ARIH1: variants seen among roughly 807,000 people sequenced by gnomAD.
ARIH1 encodes the protein E3 ubiquitin-protein ligase ARIH1.
In ARIH1, 8 loss-of-function variants were observed where a neutral mutation model predicts 85.0. The ratio of observed to expected loss-of-function variants is 0.09; its 90% confidence interval spans 0.06 to 0.17. ARIH1 has a LOEUF of 0.17. ARIH1 is among the 10% of genes least tolerant of loss of function. ARIH1 has a pLI of 1.00. For missense variants in ARIH1, 311 were observed against 718.1 expected, an observed-to-expected ratio of 0.43 and a Z score of 6.48; for synonymous variants, 238 against 253.6, an observed-to-expected ratio of 0.94 and a Z score of 0.59.
intron 5 of ARIH1, among the ~76,000 whole-genome samples, chr15:72,557,028 C>G (rs1026899303): frequency 4.6e-5 from 7 of 152,170 alleles, no homozygotes; most frequent in African/African-American, 1.7e-4. Flanking sequence ...AGTGAACATA[C>G]TAGTGAATGT....
chr15:72,504,740 G>A (rs79320568), intron 1 of ARIH1, among the ~76,000 whole-genome samples: 227 of 152,306 alleles, frequency 1.5e-3, no homozygotes, highest in Non-Finnish European at 2.6e-3. Flanking sequence ...TTGGGCCACA[G>A]GTTTCAGGCT....
Position 72,578,816 on chromosome 15 carries a change from G to GTTTTTTTTTTTTTTT in ARIH1, c.1216-1911_1216-1910insTTTTTTTTTTTTTTT, listed in dbSNP as rs11385438. Reference sequence around the variant, plus strand: ...ATTTTGCTTTTTTTTGTTTTTTGGTGTTTTGTTTTTTTTTTTCAGAGGTAG... The same window carrying GTTTTTTTTTTTTTTT: ...ATTTTGCTTTTTTTTGTTTTTTGGTGTTTTTTTTTTTTTTTTTTTGTTTTTTTTTTTCAGAGGTAG... On this transcript the variant is annotated intron_variant, in intron 11 of 13. Coordinates refer to ENST00000379887, the MANE Select transcript of ARIH1 (RefSeq NM_005744.5). Among the ~76,000 whole-genome samples, 6 of 140,930 alleles carry GTTTTTTTTTTTTTTT rather than the reference G, an allele frequency of 4.3e-5. 3 individuals carry two copies. The highest frequency in any genetic ancestry group is 6.1e-5 in the Non-Finnish European group (4 of 65,460). The allele number at this position is 140,930 out of a possible 152,430, so 92.5% of individuals were successfully genotyped here. A position where few individuals can be genotyped will look rare whatever the true frequency, so the allele number is the denominator to read the frequency against.
rs1426170744 is a variant in ARIH1 at position 72,597,169 on chromosome 15, T to TG, written c.*13877_*13878insG. 4.4e-3 allele frequency: 1 copy of TG among 228 alleles called. No homozygotes were observed. The highest frequency in any genetic ancestry group is 0.022 in the Non-Finnish European group (1 of 46). The allele number at this position is 228 out of a possible 1,614,324, so 0.0% of individuals were successfully genotyped here. ...CTTCCAAAACAGAGCATGCCCTTTG[T>TG]TTTTTTTTCAGGCCACTTGAATGGT... On this transcript the variant is annotated 3_prime_UTR_variant, in exon 14 of 14. Coordinates refer to ENST00000379887, the MANE Select transcript of ARIH1 (RefSeq NM_005744.5).
At chr15:72,553,536 T>G (rs1453563133) in intron 3 of ARIH1, among the ~76,000 whole-genome samples, 1 of 152,088 alleles carries the variant, frequency 6.6e-6, no homozygotes, top group Non-Finnish European at 1.5e-5. Context: ...ATTCACCCCC[T>G]AATTCCTCCC....
At chr15:72,499,095 C>T (rs1051334332) in intron 1 of ARIH1, among the ~76,000 whole-genome samples, 2 of 150,578 alleles carry the variant, frequency 1.3e-5, no homozygotes, top group Non-Finnish European at 2.9e-5. Flanking sequence ...ATTCTCCCGC[C>T]TCATCCTCCT....
chr15:72,497,384 G>A (rs1392915154), intron 1 of ARIH1, among the ~76,000 whole-genome samples: 9 of 152,038 alleles, frequency 5.9e-5, no homozygotes, highest in Admixed American at 1.3e-4. Flanking sequence ...CTATTTAAAT[G>A]TTTGTACCAT....
chr15:72,578,907 C>G (rs890521325), intron 11 of ARIH1, among the ~76,000 whole-genome samples: 1 of 149,694 alleles, frequency 6.7e-6, no homozygotes, highest in African/African-American at 2.4e-5. Context: ...GCCTCAGCCT[C>G]CCAAGTAGAT....
rs2064303024 is a variant in ARIH1 at position 72,583,541 on chromosome 15, T to G, written c.*249T>G. ...ACAGACACACTAAAAGCCCTCCAACTTTAACTTGTAACGTAGCTTCATTCT... is the reference window on the plus strand; with the variant it reads ...ACAGACACACTAAAAGCCCTCCAACGTTAACTTGTAACGTAGCTTCATTCT... On this transcript the variant is annotated 3_prime_UTR_variant, in exon 14 of 14. Transcript: ENST00000379887. The G allele has an allele frequency of 2.6e-6, 1 of 383,414 alleles. No individual in the cohort carries two copies. Among genetic ancestry groups the G allele is most frequent in the Non-Finnish European group, 4.7e-6 (1 of 214,962 alleles). The allele number at this position is 383,414 out of a possible 1,614,324, so 23.8% of individuals were successfully genotyped here.
intron 8 of ARIH1, 143 bp from the exon 9 acceptor site, chr15:72,566,963 T>C: frequency 1.6e-6 from 1 of 631,462 alleles, no homozygotes; most frequent in Non-Finnish European, 2.7e-6. Flanking sequence ...CTATGGGATT[T>C]CCCTGGCTTA....
At chr15:72,529,130 G>A (rs1344802968) in intron 2 of ARIH1, among the ~76,000 whole-genome samples, 2 of 151,778 alleles carry the variant, frequency 1.3e-5, no homozygotes, top group Admixed American at 6.6e-5. Flanking sequence ...AACCCAGGAG[G>A]CGGAGCTTGC....
intron 10 of ARIH1, among the ~76,000 whole-genome samples, chr15:72,571,478 C>A (rs549091269): frequency 6.6e-6 from 1 of 152,178 alleles, no homozygotes; most frequent in Non-Finnish European, 1.5e-5. Context: ...AGGGGAAGTG[C>A]AAGTCTTACT....
At chr15:72,545,067 A>G in intron 3 of ARIH1, 103 bp downstream of exon 3, 2 of 1,085,004 alleles carry the variant, frequency 1.8e-6, no homozygotes, top group Non-Finnish European at 2.5e-6. Flanking sequence ...TGGGAGTAGT[A>G]ACCTCTAAGC....
chr15:72,582,062 ATTC>A lies in ARIH1; in HGVS notation c.1477-7_1477-5del. 6.3e-7 allele frequency: 1 copy of A among 1,578,290 alleles called. No individual in the cohort carries two copies. ...TATTTTGAAGCCAAAATTTACTTTC[ATTC>A]TTCTTACAGAATAACCAAGCAGATC... On this transcript the variant is annotated splice_polypyrimidine_tract_variant and intron_variant, in intron 12 of 13. Transcript: ENST00000379887. This position sits in a 1 kb window ranked among gnomAD's most constrained non-coding sequence, Gnocchi z 4.6.
chr15:72,480,030 G>C (rs2063809400), intron 1 of ARIH1, among the ~76,000 whole-genome samples: 1 of 151,858 alleles, frequency 6.6e-6, no homozygotes, highest in Admixed American at 6.6e-5. Flanking sequence ...ACCATGCCTG[G>C]CTAATTTTTT....
intron 2 of ARIH1, among the ~76,000 whole-genome samples, chr15:72,523,939 CTTTTTTTTTTTTTTT>C (rs397853910): frequency 1.6e-5 from 1 of 61,672 alleles, no homozygotes; most frequent in East Asian, 6.0e-4. Flanking sequence ...ACTTTTACAT[CTTTTTTTTTTTTTTT>C]TTTTTTTTTT....
At chr15:72,488,090 C>A (rs2063844384) in intron 1 of ARIH1, among the ~76,000 whole-genome samples, 1 of 152,144 alleles carries the variant, frequency 6.6e-6, no homozygotes, top group African/African-American at 2.4e-5. Flanking sequence ...GGCTGGAGTG[C>A]AGTGGCACGA....
At chr15:72,583,105 G>C (rs1431357690) in intron 13 of ARIH1, 103 bp from the exon 14 acceptor site, 1 of 842,130 alleles carries the variant, frequency 1.2e-6, no homozygotes, top group South Asian at 1.7e-5. Context: ...GCTTGGTTCC[G>C]AGTCTGGATA....
At chr15:72,566,450 CACTAGAAACTAGTGACAAT>C in intron 7 of ARIH1, 94 bp from the exon 8 acceptor site, 3 of 856,012 alleles carry the variant, frequency 3.5e-6, no homozygotes, top group Non-Finnish European at 5.8e-6. Flanking sequence ...ATTTGCCAGT[CACTAGAAACTAGTGACAAT>C]ACTGTGGAAC....
In ARIH1 at chr15:72,596,878, T is replaced by C. The variant is rs1263219365; in HGVS notation, c.*13586T>C. The C allele has an allele frequency of 1.3e-5, 2 of 152,222 alleles. No homozygotes were observed. The highest frequency in any genetic ancestry group is 2.9e-5 in the Non-Finnish European group (2 of 68,050). The allele number at this position is 152,222 out of a possible 1,614,324, so 9.4% of individuals were successfully genotyped here. On this transcript the variant is annotated 3_prime_UTR_variant, in exon 14 of 14. Transcript: ENST00000379887. ...CTGAAATTTCCTATTTCTTCATGCA[T>C]GTTTTCCACATTTTCCATTCTACTT...
Sources: gnomAD v4.1 joint callset for allele counts (sites outside exome capture counted in the v4.1 genomes callset) on GRCh38, gnomAD v4.1.1 for gene constraint, Gnocchi (gnomAD v3.1) non-coding constraint, MANE v1.5 for transcripts, NCBI Gene and HGNC (gene_info 2026-07-23, HGNC 2026-07-21) for gene names.